The following FAM135A variants were observed in gnomAD, a reference collection of about 807,000 sequenced individuals.
The protein encoded by FAM135A is protein FAM135A.
A neutral mutation model predicts 146.8 loss-of-function variants in FAM135A; 79 were observed. That is an observed-to-expected ratio of 0.54 (90% CI 0.45 to 0.65). FAM135A has a LOEUF of 0.65. Ranked by LOEUF, FAM135A falls within the 30% of genes least tolerant of loss-of-function variation. FAM135A has a pLI of 0.00. For missense variants in FAM135A, 1,623 were observed against 1,758.2 expected (o/e 0.92, Z 1.38); for synonymous variants, 562 against 603.6 (o/e 0.93, Z 1.01).
At chr6:70,542,277 C>CACACACACACACA (rs35407465) in intron 20 of FAM135A, among the ~76,000 whole-genome samples, 7 of 146,858 alleles carry the variant, frequency 4.8e-5, no homozygotes, top group Admixed American at 6.8e-5. Context: ...CACACACACA[C>CACACACACACACA]CCTTTGCTGT....
chr6:70,453,781 A>C (rs892372869), intron 5 of FAM135A, among the ~76,000 whole-genome samples: 1 of 152,168 alleles, frequency 6.6e-6, no homozygotes, highest in African/African-American at 2.4e-5. Context: ...TCCATGGTGT[A>C]TATGTGCCAC....
At chr6:70,442,267 T>C (rs867984662) in intron 4 of FAM135A, among the ~76,000 whole-genome samples, 66 of 146,480 alleles carry the variant, frequency 4.5e-4, no homozygotes, top group Middle Eastern at 7.3e-3. Flanking sequence ...TGCCGAGATA[T>C]ATCCCGTGAG....
chr6:70,484,691 C>T (rs1784304216), intron 10 of FAM135A, among the ~76,000 whole-genome samples: 1 of 152,224 alleles, frequency 6.6e-6, no homozygotes, highest in Non-Finnish European at 1.5e-5. Flanking sequence ...CTATGAGAAT[C>T]TAATGCCGCT....
chr6:70,424,329 C>T lies in FAM135A; in HGVS notation c.-133-2110C>T, dbSNP rs189079599. Among the ~76,000 whole-genome samples, 21 of 152,320 alleles carry T rather than the reference C, an allele frequency of 1.4e-4. No individual in the cohort carries two copies. The East Asian group carries it at 2.1e-3, about 15-fold the overall frequency. ...ATAATTTATTTGACAAATACTATTC[C>T]GTCAGAAACATAATAGGATTCTTTT... On this transcript the variant is annotated intron_variant, in intron 2 of 21. Transcript: ENST00000418814.
At chr6:70,446,176 G>C (rs910531033) in intron 4 of FAM135A, among the ~76,000 whole-genome samples, 1 of 152,160 alleles carries the variant, frequency 6.6e-6, no homozygotes, top group African/African-American at 2.4e-5. Flanking sequence ...CAAGTTTGTG[G>C]AGTGTCCTTC....
At chr6:70,469,477 G>T (rs957830969) in intron 5 of FAM135A, among the ~76,000 whole-genome samples, 8 of 152,168 alleles carry the variant, frequency 5.3e-5, no homozygotes, top group African/African-American at 1.9e-4. Flanking sequence ...TCTGGCATGA[G>T]AATTCCTTTA....
chr6:70,467,856 T>G (rs1780772551), intron 5 of FAM135A, among the ~76,000 whole-genome samples: 2 of 152,228 alleles, frequency 1.3e-5, no homozygotes, highest in Non-Finnish European at 2.9e-5. Context: ...AGAACAATAT[T>G]CTTCTTTTTT....
chr6:70,439,268 G>T (rs1036620900), intron 4 of FAM135A, among the ~76,000 whole-genome samples: 2 of 152,192 alleles, frequency 1.3e-5, no homozygotes, highest in Non-Finnish European at 2.9e-5. Context: ...TGAGGTTTCG[G>T]TCTTCCACTG....
At position 70,534,444 on chromosome 6, in the gene FAM135A, C is replaced by A. The variant is rs111645703; in HGVS notation, c.3965+590C>A. On this transcript the variant is annotated intron_variant, in intron 18 of 21. Coordinates refer to ENST00000418814, the MANE Select transcript of FAM135A (RefSeq NM_001162529.3). ...AGGCGATCCTCCCACCTCAGCCCCCCAAGTAGCTGGGATTACAGGCATGCA... is the reference window on the plus strand; with the variant it reads ...AGGCGATCCTCCCACCTCAGCCCCCAAAGTAGCTGGGATTACAGGCATGCA... 4.0e-3 allele frequency among the ~76,000 whole-genome samples: 609 copies of A among 151,296 alleles called. 3 individuals carry two copies. The highest frequency in any genetic ancestry group is 0.014 in the African/African-American group (589 of 41,160).
At chr6:70,485,159 A>G (rs1045458301) in intron 10 of FAM135A, among the ~76,000 whole-genome samples, 1 of 152,196 alleles carries the variant, frequency 6.6e-6, no homozygotes, top group African/African-American at 2.4e-5. Flanking sequence ...TACTTAAAAT[A>G]TATTTCTCGA....
chr6:70,459,128 TA>T (rs567832845), intron 5 of FAM135A, among the ~76,000 whole-genome samples: 19 of 152,194 alleles, frequency 1.2e-4, no homozygotes, highest in Non-Finnish European at 2.8e-4. Context: ...TTTTTTCTTT[TA>T]AGGGCTTGGA....
At position 70,525,924 on chromosome 6, in the gene FAM135A, T is replaced by C. The variant is rs1181504026; in HGVS notation, c.2840T>C (p.Met947Thr). 1.9e-6 allele frequency: 3 copies of C among 1,613,246 alleles called. No individual in the cohort carries two copies. The highest frequency in any genetic ancestry group is 1.1e-5 in the South Asian group (1 of 90,982). ...AGCTCCAAACCTAACTTGGATACTATGTGTAAAGGCTTCCAGAGTCCTGAT... is the reference window on the plus strand; with the variant it reads ...AGCTCCAAACCTAACTTGGATACTACGTGTAAAGGCTTCCAGAGTCCTGAT... ...SCSSKPNLDT[M>T]CKGFQSPDKS... is the part of the protein sequence containing the mutation. The change falls in exon 15 of 22, where the codon ATG (methionine) becomes ACG (threonine). Residue 947 changes from methionine to threonine, a missense_variant. Met to Thr is a moderately conservative substitution (Grantham distance 81). Coordinates refer to ENST00000418814, the MANE Select transcript of FAM135A (RefSeq NM_001162529.3).
chr6:70,527,783 T>C (rs1795040720), intron 15 of FAM135A, among the ~76,000 whole-genome samples: 1 of 152,190 alleles, frequency 6.6e-6, no homozygotes, highest in Non-Finnish European at 1.5e-5. Context: ...TTCTGCTCCT[T>C]CTTATTGGTA....
At chr6:70,498,923 A>G (rs778128120) in intron 11 of FAM135A, among the ~76,000 whole-genome samples, 34 of 152,038 alleles carry the variant, frequency 2.2e-4, no homozygotes, top group Admixed American at 3.9e-4. Context: ...AATAAGTGCT[A>G]TGTGGCACTG....
chr6:70,538,805 G>GTTATATTATATTATATTATATTATA (rs57363541), intron 20 of FAM135A, among the ~76,000 whole-genome samples: 8 of 112,868 alleles, frequency 7.1e-5, no homozygotes, highest in South Asian at 2.6e-4. Context: ...ATTATGTTAT[G>GTTATATTATATTATATTATATTATA]TTATATTATA....
At chr6:70,427,647 A>G (rs1184695230) in intron 3 of FAM135A, among the ~76,000 whole-genome samples, 4 of 148,860 alleles carry the variant, frequency 2.7e-5, no homozygotes, top group African/African-American at 9.7e-5. Context: ...TGATCCCACT[A>G]TTAAAAAATT....
At chr6:70,489,808 G>T (rs1785513078) in intron 10 of FAM135A, among the ~76,000 whole-genome samples, 1 of 152,118 alleles carries the variant, frequency 6.6e-6, no homozygotes, top group Non-Finnish European at 1.5e-5. Context: ...ACCTAGGGAT[G>T]TGTTTTTTAC....
At chr6:70,423,146 G>A (rs1029846681) in intron 2 of FAM135A, among the ~76,000 whole-genome samples, 6 of 152,150 alleles carry the variant, frequency 3.9e-5, no homozygotes, top group African/African-American at 1.4e-4. Flanking sequence ...CCCTGAGACA[G>A]GAATATATTT....
At chr6:70,444,864 T>G (rs1015084593) in intron 4 of FAM135A, among the ~76,000 whole-genome samples, 2 of 152,210 alleles carry the variant, frequency 1.3e-5, no homozygotes, top group African/African-American at 4.8e-5. Flanking sequence ...TTTTAACAGT[T>G]TATTGACATA....
Sources: gnomAD v4.1 joint callset for allele counts (sites outside exome capture counted in the v4.1 genomes callset) on GRCh38, gnomAD v4.1.1 for gene constraint, MANE v1.5 for transcripts, NCBI Gene and HGNC (gene_info 2026-07-23, HGNC 2026-07-21) for gene names.